The following KRT79 variants were observed in gnomAD, a reference collection of about 807,000 sequenced individuals.
KRT79 encodes the protein keratin, type II cytoskeletal 79.
In KRT79, 51 loss-of-function variants were observed where a neutral mutation model predicts 49.0. That is an observed-to-expected ratio of 1.04 (90% CI 0.83 to 1.31). The LOEUF (loss-of-function observed/expected upper bound fraction) is 1.31, where lower values mean the gene tolerates loss of function less well. Ranked by LOEUF, KRT79 falls within the 40% of genes most tolerant of loss-of-function variation. The probability of loss-of-function intolerance (pLI) is 0.00; values close to 1 mark genes in which losing one functional copy is unlikely to be tolerated. For synonymous variants in KRT79, 312 were observed against 286.6 expected, an observed-to-expected ratio of 1.09 and a Z score of -0.90; for missense variants, 728 against 688.0, an observed-to-expected ratio of 1.06 and a Z score of -0.65.
rs760599725 is a variant in KRT79, at chr12:52,830,265, A to T, written c.726T>A (p.Thr242=). Residue 242 remains threonine, a synonymous_variant, in exon 3 of 9, where the codon ACT becomes ACA. Coordinates refer to ENST00000330553, the MANE Select transcript of KRT79 (RefSeq NM_175834.3). The stretch of plus-strand genomic sequence containing the variant: ...GCACCACAAACTCGTTCTCTGCAGC[A>T]GTGTGCTTGTTGATTTCATCCTCGT... The part of the protein sequence containing the change: ...NKYEDEINKH[T]AAENEFVVLK... 6.2e-7 allele frequency: 1 copy of T among 1,614,236 alleles called. No individual in the cohort carries two copies. The highest frequency in any genetic ancestry group is 8.5e-7 in the Non-Finnish European group (1 of 1,180,042).
intron 4 of KRT79, among the ~76,000 whole-genome samples, chr12:52,827,189 C>A (rs1442417963): frequency 6.6e-6 from 1 of 151,446 alleles, no homozygotes; most frequent in Non-Finnish European, 1.5e-5. Flanking sequence ...GAAGTCACCT[C>A]CCTCGAAGGC....
intron 4 of KRT79, among the ~76,000 whole-genome samples, chr12:52,824,694 C>A (rs1940153056): frequency 6.6e-6 from 1 of 152,220 alleles, no homozygotes; most frequent in African/African-American, 2.4e-5. Flanking sequence ...CCTCAGAACA[C>A]CCTGTGCAGC....
At chr12:52,824,405 G>T (rs186257433) in intron 4 of KRT79, 43 bp from the exon 5 acceptor site, 4 of 1,595,770 alleles carry the variant, frequency 2.5e-6, no homozygotes, top group Non-Finnish European at 3.4e-6. Flanking sequence ...CCTGCTCCAG[G>T]CCCCAGGAAG....
Position 52,834,132 on chromosome 12 carries a change from G to A in KRT79, c.129C>T (p.Gly43=), listed in dbSNP as rs371411949. ...FSSVTVSRSS[G]SGGGAHCGPG... Reference sequence around the variant, plus strand: ...GGCCACAGTGGGCCCCGCCACCACTGCCACTGCTCCGAGACACCGTCACTG... The same window carrying A: ...GGCCACAGTGGGCCCCGCCACCACTACCACTGCTCCGAGACACCGTCACTG... Residue 43 remains glycine (G), a synonymous_variant, in exon 1 of 9, where the codon GGC becomes GGT. Coordinates refer to ENST00000330553, the MANE Select transcript of KRT79 (RefSeq NM_175834.3). 17 of 1,613,286 alleles carry A rather than the reference G, an allele frequency of 1.1e-5. No homozygotes were observed. The highest frequency in any genetic ancestry group is 1.4e-5 in the Non-Finnish European group (16 of 1,179,872).
rs1390373106 is a variant in KRT79, at chr12:52,823,026, C to T, written c.1357G>A (p.Glu453Lys). The T allele has an allele frequency of 2.5e-6, 4 of 1,614,074 alleles. No individual in the cohort carries two copies. The highest frequency in any genetic ancestry group is 3.4e-6 in the Non-Finnish European group (4 of 1,180,002). The change falls in exon 7 of 9, where the codon GAG becomes AAG. Residue 453 changes from glutamate to lysine, a missense_variant. Coordinates refer to ENST00000330553, the MANE Select transcript of KRT79 (RefSeq NM_175834.3). ...IATYRKLLES[E>K]ESRMSGECPS... Reference sequence around the variant, plus strand: ...AGGAGGGGCCACCACCTGCTCTCCTCGCTCTCCAGAAGCTTGCGGTAGGTG... The same window carrying T: ...AGGAGGGGCCACCACCTGCTCTCCTTGCTCTCCAGAAGCTTGCGGTAGGTG...
At chr12:52,828,411 TG>T (rs1940205430) in intron 4 of KRT79, among the ~76,000 whole-genome samples, 1 of 152,206 alleles carries the variant, frequency 6.6e-6, no homozygotes, top group Non-Finnish European at 1.5e-5. Context: ...TGCCTTAACA[TG>T]TGTATCAATG....
intron 4 of KRT79, among the ~76,000 whole-genome samples, chr12:52,829,450 C>A (rs1331671312): frequency 1.3e-5 from 2 of 152,192 alleles, no homozygotes; most frequent in African/African-American, 4.8e-5. Context: ...AGCTATGTGA[C>A]CACGAGCAAC....
Position 52,821,617 on chromosome 12 carries a change from AGGTCACCCC to A in KRT79, c.*246_*254del. Reference sequence around the variant, plus strand: ...ATTCAGCCTCCTCTCGGTGGTCAAAAGGTCACCCCCAAGTCACCCAAGCACATCACTCAA... The same window carrying A: ...ATTCAGCCTCCTCTCGGTGGTCAAAACAAGTCACCCAAGCACATCACTCAA... On this transcript the variant is annotated 3_prime_UTR_variant, in exon 9 of 9. Transcript: ENST00000330553. 1.1e-5 allele frequency: 4 copies of A among 351,604 alleles called. No individual in the cohort carries two copies. Among genetic ancestry groups the A allele is most frequent in the Admixed American group, 5.3e-5 (1 of 18,782 alleles). 21.8% of individuals were successfully genotyped at this position (351,604 alleles called of 1,614,324 possible).
chr12:52,834,253 G>A lies in KRT79; in HGVS notation c.8C>T (p.Ser3Phe). Residue 3 changes from serine to phenylalanine, a missense_variant, in exon 1 of 9, where the codon TCC (serine) becomes TTC (phenylalanine). Ser to Phe is a radical substitution (Grantham distance 155, BLOSUM62 -2). Transcript: ENST00000330553. ...GGAGTATGTTTGCCGAGAGACGGAG[G>A]ACCTCATAGCTGCAGAGGGGCCGGA... is the stretch of plus-strand genomic sequence containing the variant. MR[S>F]SVSRQTYSTK... The A allele has an allele frequency of 1.2e-6, 2 of 1,612,844 alleles. No homozygotes were observed. The highest frequency in any genetic ancestry group is 2.2e-5 in the East Asian group (1 of 44,862).
chr12:52,829,765 G>A (rs1453583237), intron 4 of KRT79, among the ~76,000 whole-genome samples: 1 of 152,166 alleles, frequency 6.6e-6, no homozygotes, highest in African/African-American at 2.4e-5. Context: ...GCTGGGCATG[G>A]TGGCAGGCAC....
rs1313098449 is a variant in KRT79, at chr12:52,833,981, C to T, written c.280G>A (p.Ala94Thr). Residue 94 changes from alanine (A) to threonine (T), a missense_variant, in exon 1 of 9, where the codon GCA (alanine) becomes ACA (threonine). Ala to Thr is a moderately conservative substitution (Grantham distance 58, BLOSUM62 0). Coordinates refer to ENST00000330553, the MANE Select transcript of KRT79 (RefSeq NM_175834.3). ...ALGGFGFGSR[A>T]FMGQGAGRQT... Reference sequence around the variant, plus strand: ...CTGCCAGCCCCCTGTCCCATAAATGCCCTGCTGCCAAAGCCAAAGCCCCCC... The same window carrying T: ...CTGCCAGCCCCCTGTCCCATAAATGTCCTGCTGCCAAAGCCAAAGCCCCCC... 1 of 1,612,864 alleles carries T rather than the reference C, an allele frequency of 6.2e-7. No homozygotes were observed. Among genetic ancestry groups the T allele is most frequent in the South Asian group, 1.1e-5 (1 of 90,976 alleles).
Position 52,821,855 on chromosome 12 carries a change from C to T in KRT79, c.*17G>A, listed in dbSNP as rs530880727. Reference sequence around the variant, plus strand: ...GGGCAGGGACAGGATTGCAGGGGCCCTTGCAGGGCTCAGCAGCTAATACCT... The same window carrying T: ...GGGCAGGGACAGGATTGCAGGGGCCTTTGCAGGGCTCAGCAGCTAATACCT... On this transcript the variant is annotated 3_prime_UTR_variant, in exon 9 of 9. Transcript: ENST00000330553. 41 of 1,611,424 alleles carry T rather than the reference C, an allele frequency of 2.5e-5. No individual in the cohort carries two copies. In the East Asian group the frequency reaches 6.7e-4, roughly 26 times the overall value.
chr12:52,824,739 G>C (rs377261312), intron 4 of KRT79, among the ~76,000 whole-genome samples: 1 of 152,188 alleles, frequency 6.6e-6, no homozygotes, highest in Non-Finnish European at 1.5e-5. Context: ...GGGTGCCTTT[G>C]TGCAAATTGG....
At chr12:52,832,417 T>G (rs184780483) in intron 1 of KRT79, among the ~76,000 whole-genome samples, 72 of 152,060 alleles carry the variant, frequency 4.7e-4, no homozygotes, top group African/African-American at 1.7e-3. Context: ...GAGCCCTTCC[T>G]CTATAGACTC....
chr12:52,824,106 C>T (rs1032382352), intron 5 of KRT79, 92 bp downstream of exon 5: 14 of 1,611,454 alleles, frequency 8.7e-6, no homozygotes, highest in African/African-American at 4.0e-5. Context: ...TCTGGCCCCC[C>T]GGACTCCAAG....
chr12:52,833,246 G>T (rs7964996), intron 1 of KRT79, among the ~76,000 whole-genome samples: 4,198 of 152,164 alleles, frequency 0.028, 185 homozygotes, highest in African/African-American at 0.096. Flanking sequence ...GAAGCGGAAG[G>T]GAGCCTACCC....
chr12:52,823,638 G>A (rs1940132955), intron 6 of KRT79, among the ~76,000 whole-genome samples: 1 of 152,290 alleles, frequency 6.6e-6, no homozygotes, highest in Non-Finnish European at 1.5e-5. Flanking sequence ...ACTTCCTGGA[G>A]ATGGGATGGA....
intron 4 of KRT79, 44 bp from the exon 5 acceptor site, chr12:52,824,406 C>T (rs1256573707): frequency 1.3e-6 from 2 of 1,595,210 alleles, no homozygotes; most frequent in Non-Finnish European, 8.6e-7. Flanking sequence ...CTGCTCCAGG[C>T]CCCAGGAAGC....
Position 52,834,239 on chromosome 12 carries a change from G to T in KRT79, c.22C>A (p.Gln8Lys), listed in dbSNP as rs1350010167. Residue 8 changes from glutamine to lysine, a missense_variant, in exon 1 of 9, where the codon CAA becomes AAA. By Grantham distance (53) the Gln-to-Lys change is moderately conservative. Transcript: ENST00000330553. MRSSVSR[Q>K]TYSTKGGFSS... is the part of the protein sequence containing the mutation. ...AAGCCCCCTTTTGTGGAGTATGTTT[G>T]CCGAGAGACGGAGGACCTCATAGCT... 2 of 1,613,472 alleles carry T rather than the reference G, an allele frequency of 1.2e-6. No homozygotes were observed. Among genetic ancestry groups the T allele is most frequent in the Non-Finnish European group, 1.7e-6 (2 of 1,180,004 alleles).
Sources: gnomAD v4.1 joint callset for allele counts (sites outside exome capture counted in the v4.1 genomes callset) on GRCh38, gnomAD v4.1.1 for gene constraint, MANE v1.5 for transcripts, NCBI Gene and HGNC (gene_info 2026-07-23, HGNC 2026-07-21) for gene names.